Variants in RASA3 observed in about 807,000 individuals in gnomAD.
RASA3 encodes the protein ras GTPase-activating protein 3.
In RASA3, 73 loss-of-function variants were observed where a neutral mutation model predicts 110.0. The ratio of observed to expected loss-of-function variants is 0.66; its 90% CI spans 0.55 to 0.81. The LOEUF (loss-of-function observed/expected upper bound fraction) is 0.81. RASA3 is among the 30% of genes least tolerant of loss of function. The pLI, the probability that RASA3 is intolerant of heterozygous loss-of-function variation, is 0.00. For missense variants in RASA3, 976 were observed against 1,113.2 expected, an observed-to-expected ratio of 0.88 and a Z score of 1.75; for synonymous variants, 500 against 451.4, an observed-to-expected ratio of 1.11 and a Z score of -1.37.
intron 2 of RASA3, among the ~76,000 whole-genome samples, chr13:114,055,787 C>A (rs956598521): frequency 2.0e-5 from 3 of 151,876 alleles, no homozygotes; most frequent in Non-Finnish European, 4.4e-5. Flanking sequence ...GCTTCACTTC[C>A]TGCTCCAGAG....
intron 22 of RASA3, among the ~76,000 whole-genome samples, chr13:113,990,599 G>A (rs1414797140): frequency 2.0e-5 from 3 of 152,234 alleles, no homozygotes; most frequent in East Asian, 1.9e-4. Context: ...GAGGCCTTGT[G>A]CCATCTTCAC....
At chr13:114,076,135 C>G (rs77072415) in intron 1 of RASA3, among the ~76,000 whole-genome samples, 5 of 152,224 alleles carry the variant, frequency 3.3e-5, no homozygotes, top group African/African-American at 7.2e-5. Context: ...GTCTACCTCT[C>G]TGGGCCTCAA....
intron 1 of RASA3, among the ~76,000 whole-genome samples, chr13:114,100,305 G>A (rs1327728747): frequency 6.6e-6 from 1 of 152,104 alleles, no homozygotes; most frequent in African/African-American, 2.4e-5. Context: ...GCGTCCTGGG[G>A]CACCCTCAGA....
chr13:114,015,314 C>T lies in RASA3; in HGVS notation c.1300G>A (p.Val434Met), dbSNP rs2053765178. ...GTGATGGCGTGGAAGACGCGGTCCACATACTGCCGTAGGTTCTCCTGCAAC... is the reference window on the plus strand; with the variant it reads ...GTGATGGCGTGGAAGACGCGGTCCATATACTGCCGTAGGTTCTCCTGCAAC... ...ENNMENLRQY[V>M]DRVFHAITES... The change falls in exon 14 of 24, where the codon GTG becomes ATG. Residue 434 changes from valine (V) to methionine (M), a missense_variant. Physicochemically the swap from Val to Met is conservative, Grantham distance 21. This residue lies in a region of RASA3 where 732 missense variants were observed against 779.7 expected (regional missense o/e 0.94). Coordinates refer to ENST00000334062, the MANE Select transcript of RASA3 (RefSeq NM_007368.4). 1 of 1,612,884 alleles carries T rather than the reference C, an allele frequency of 6.2e-7. No homozygotes were observed.
At chr13:114,035,361 C>T (rs1018982609) in intron 4 of RASA3, among the ~76,000 whole-genome samples, 1 of 152,224 alleles carries the variant, frequency 6.6e-6, no homozygotes, top group Non-Finnish European at 1.5e-5. Context: ...TGCGAACTCA[C>T]AGACGCAGCA....
At chr13:114,051,790 G>A (rs955746037) in intron 3 of RASA3, among the ~76,000 whole-genome samples, 4 of 152,232 alleles carry the variant, frequency 2.6e-5, no homozygotes, top group African/African-American at 9.7e-5. Context: ...GGCCAGAGAT[G>A]CTGTGCTCTT....
intron 3 of RASA3, among the ~76,000 whole-genome samples, chr13:114,043,426 G>T (rs574734583): frequency 2.6e-5 from 4 of 152,142 alleles, no homozygotes; most frequent in Non-Finnish European, 4.4e-5. Flanking sequence ...GCAGCCCTGG[G>T]AACAGCCCTG....
chr13:114,062,563 C>G lies in RASA3; in HGVS notation c.174-10408G>C, dbSNP rs1368539851. On this transcript the variant is annotated intron_variant, in intron 2 of 23. Coordinates refer to ENST00000334062, the MANE Select transcript of RASA3 (RefSeq NM_007368.4). ...AGACATCACAGCCCACGTCCGCACG[C>G]AGACTCGGACACGCGTGCTCACAGC... 3.8e-5 allele frequency among the ~76,000 whole-genome samples: 5 copies of G among 133,184 alleles called. No homozygotes were observed. In the Admixed American group the frequency reaches 4.1e-4, roughly 11 times the overall value. 87.4% of individuals were successfully genotyped at this position (133,184 alleles called of 152,430 possible).
intron 12 of RASA3, 27 bp downstream of exon 12, chr13:114,017,210 G>A (rs1439546617): frequency 6.3e-6 from 10 of 1,583,986 alleles, no homozygotes; most frequent in Non-Finnish European, 7.8e-6. Context: ...GCCTCGTGAG[G>A]CTGAGGACTC....
chr13:114,037,256 T>C (rs1434144389), intron 4 of RASA3, among the ~76,000 whole-genome samples: 1 of 152,202 alleles, frequency 6.6e-6, no homozygotes, highest in East Asian at 1.9e-4. Context: ...TGTGATGAAG[T>C]TGCACCGACT....
At chr13:113,981,891 GA>G in intron 22 of RASA3, 33 bp from the exon 23 acceptor site, 1 of 1,595,506 alleles carries the variant, frequency 6.3e-7, no homozygotes. Flanking sequence ...CGCAGGGCAG[GA>G]GCCCAGGCCA....
chr13:114,063,228 A>G (rs538076484), intron 2 of RASA3, among the ~76,000 whole-genome samples: 93 of 152,198 alleles, frequency 6.1e-4, no homozygotes, highest in Non-Finnish European at 1.2e-3. Flanking sequence ...CAGAAAGTGA[A>G]ATCTGGAATT....
intron 1 of RASA3, among the ~76,000 whole-genome samples, chr13:114,103,439 G>A (rs1271301255): frequency 1.3e-5 from 2 of 152,028 alleles, no homozygotes; most frequent in African/African-American, 4.8e-5. Context: ...CCCAGACGGG[G>A]GACGGGGGGA....
rs139577367 is a variant in RASA3, at chr13:114,015,305, C to T, written c.1309G>A (p.Val437Ile). The T allele has an allele frequency of 8.7e-6, 14 of 1,612,906 alleles. No homozygotes were observed. In the East Asian group the frequency reaches 1.1e-4, roughly 13 times the overall value. Residue 437 changes from valine (V) to isoleucine (I), a missense_variant, in exon 14 of 24, where the codon GTC (valine) becomes ATC (isoleucine). Around this residue, in one of 4 missense-constraint regions of RASA3, gnomAD observed 732 missense variants for 779.7 expected, o/e 0.94. Transcript: ENST00000334062. ...CCAGACTCAGTGATGGCGTGGAAGA[C>T]GCGGTCCACATACTGCCGTAGGTTC... ...MENLRQYVDR[V>I]FHAITESGVS...
Position 114,112,413 on chromosome 13 carries a change from G to C in RASA3, c.55+20022C>G, listed in dbSNP as rs1379618480. ...TCTGCGGGTGACTGTTTGGGAAGCT[G>C]GTCTGCTCCTGATACTCTGCAGGAA... is the stretch of plus-strand genomic sequence containing the variant. On this transcript the variant is annotated intron_variant, in intron 1 of 23. Coordinates refer to ENST00000334062, the MANE Select transcript of RASA3 (RefSeq NM_007368.4). This position sits in a 1 kb window ranked among gnomAD's most constrained non-coding sequence, Gnocchi z 4.8. 5.3e-5 allele frequency among the ~76,000 whole-genome samples: 8 copies of C among 152,156 alleles called. No individual in the cohort carries two copies. Among genetic ancestry groups the C allele is most frequent in the African/African-American group, 1.9e-4 (8 of 41,434 alleles).
chr13:114,130,374 G>A (rs2080501101), intron 1 of RASA3, among the ~76,000 whole-genome samples: 2 of 152,204 alleles, frequency 1.3e-5, no homozygotes, highest in Admixed American at 1.3e-4. Context: ...CCCTGGGAGG[G>A]TCAAAGGTTC....
rs113469665 is a variant in RASA3, at chr13:114,131,183, T to C, written c.55+1252A>G. On this transcript the variant is annotated intron_variant, in intron 1 of 23. Transcript: ENST00000334062. ...ATAAAGCCGACAGGAAACAGCCCGC[T>C]GGTTTAGGGGAGCTGGAATGCCTCC... Among the ~76,000 whole-genome samples, 611 of 152,262 alleles carry C rather than the reference T, an allele frequency of 4.0e-3. 1 individual carries two copies. The highest frequency in any genetic ancestry group is 0.013 in the African/African-American group (540 of 41,558).
At chr13:113,984,800 A>T (rs2053014832) in intron 22 of RASA3, among the ~76,000 whole-genome samples, 1 of 18,816 alleles carries the variant, frequency 5.3e-5, no homozygotes, top group Non-Finnish European at 1.1e-4. Context: ...CCACCCATCC[A>T]TCCATCCACC....
chr13:114,098,992 C>T lies in RASA3; in HGVS notation c.56-25155G>A, dbSNP rs1402768647. Among the ~76,000 whole-genome samples the T allele has an allele frequency of 2.6e-4, 34 of 128,962 alleles. 1 individual carries two copies. The highest frequency in any genetic ancestry group is 7.2e-4 in the East Asian group (3 of 4,164). The allele number at this position is 128,962 out of a possible 152,430, so 84.6% of individuals were successfully genotyped here. A position where few individuals can be genotyped will look rare whatever the true frequency, so the allele number is the denominator to read the frequency against. ...CCCCCAGACCACAGCAGTCGGGGCC[C>T]GGCCACCCGAGCCCCCCAGACCACA... On this transcript the variant is annotated intron_variant, in intron 1 of 23. Transcript: ENST00000334062.
Sources: gnomAD v4.1 joint callset for allele counts (sites outside exome capture counted in the v4.1 genomes callset) on GRCh38, gnomAD v4.1.1 for gene constraint, gnomAD v4.1.1 regional missense constraint, Gnocchi (gnomAD v3.1) non-coding constraint, MANE v1.5 for transcripts, NCBI Gene and HGNC (gene_info 2026-07-23, HGNC 2026-07-21) for gene names.